Variants in DYRK1B observed in about 807,000 individuals in gnomAD.
The protein encoded by DYRK1B is dual specificity tyrosine-phosphorylation-regulated kinase 1B.
A neutral mutation model predicts 57.1 loss-of-function variants in DYRK1B; 20 were observed. The ratio of observed to expected loss-of-function variants is 0.35; its 90% CI spans 0.25 to 0.51. DYRK1B has a LOEUF of 0.51. Among genes scored for constraint, DYRK1B ranks in the 20% least tolerant of loss-of-function variants. The probability of loss-of-function intolerance (pLI) is 0.96; values close to 1 mark genes in which losing one functional copy is unlikely to be tolerated. For missense variants in DYRK1B, 732 were observed against 886.3 expected (o/e 0.83, Z 2.21); for synonymous variants, 409 against 384.7 (o/e 1.06, Z -0.74).
At position 39,825,978 on chromosome 19, in the gene DYRK1B, G is replaced by A. The variant is rs752860992; in HGVS notation, c.1627C>T (p.Pro543Ser). 3.9e-6 allele frequency: 6 copies of A among 1,524,288 alleles called. No individual in the cohort carries two copies. Among genetic ancestry groups the A allele is most frequent in the East Asian group, 2.3e-5 (1 of 44,100 alleles). 94.4% of individuals were successfully genotyped at this position (1,524,288 alleles called of 1,614,324 possible). A position where few individuals can be genotyped will look rare whatever the true frequency, so the allele number is the denominator to read the frequency against. Residue 543 changes from proline (P) to serine (S), a missense_variant, in exon 11 of 11, where the codon CCC becomes TCC. By Grantham distance (74) the Pro-to-Ser change is moderately conservative (BLOSUM62 -1). Around this residue, in one of 2 missense-constraint regions of DYRK1B, gnomAD observed 222 missense variants for 205.0 expected, o/e 1.08. Coordinates refer to ENST00000323039, the MANE Select transcript of DYRK1B (RefSeq NM_004714.3). ...SSLPGTGAQL[P>S]PQPRYLGRPP... The stretch of plus-strand genomic sequence containing the variant: ...CGACCAAGGTATCGGGGCTGGGGGG[G>A]TAACTGGGCCCCGGTCCCAGGCAGT...
In DYRK1B at chr19:39,828,350, G is replaced by A. The variant is rs1198885513; in HGVS notation, c.754C>T (p.Arg252Cys). 4.3e-6 allele frequency: 7 copies of A among 1,614,218 alleles called. No individual in the cohort carries two copies. Among genetic ancestry groups the A allele is most frequent in the Admixed American group, 1.7e-5 (1 of 60,032 alleles). Residue 252 changes from arginine to cysteine, a missense_variant, in exon 6 of 11, where the codon CGC becomes TGC. Transcript: ENST00000323039. This position sits in a 1 kb window ranked among gnomAD's most constrained non-coding sequence, Gnocchi z 4.3. ...AAGTCCACAATCTTGATGGCGCTGC[G>A]CTTGGGGTTGCACAGCAAGATGTTT... ...PENILLCNPK[R>C]SAIKIVDFGS...
At chr19:39,829,572 G>T in intron 5 of DYRK1B, 1 of 248,514 alleles carries the variant, frequency 4.0e-6, no homozygotes, top group Non-Finnish European at 7.6e-6. Context: ...GGAAGCCCAG[G>T]TTTCTTATCT....
intron 1 of DYRK1B, 115 bp downstream of exon 1, chr19:39,833,908 C>A (rs562003903): frequency 6.6e-6 from 1 of 152,478 alleles, no homozygotes; most frequent in African/African-American, 2.4e-5. Flanking sequence ...CTGCCACCCC[C>A]CTCCTCTCCT....
At chr19:39,830,879 G>A in intron 2 of DYRK1B, 96 bp from the exon 3 acceptor site, 1 of 1,416,786 alleles carries the variant, frequency 7.1e-7, no homozygotes, top group Non-Finnish European at 9.4e-7. Flanking sequence ...TCATGTATTT[G>A]GTTGCTGTCT....
intron 5 of DYRK1B, 135 bp downstream of exon 5, chr19:39,829,745 A>G (rs1404931785): frequency 2.1e-6 from 2 of 956,674 alleles, no homozygotes; most frequent in African/African-American, 3.3e-5. Context: ...CACTGATGTC[A>G]GAGAAGCACA....
In DYRK1B at chr19:39,825,517, G is replaced by T. The variant is rs1968484290; in HGVS notation, c.*198C>A. The T allele has an allele frequency of 1.0e-5, 6 of 592,310 alleles. No individual in the cohort carries two copies. Among genetic ancestry groups the T allele is most frequent in the Non-Finnish European group, 1.8e-5 (6 of 337,096 alleles). The allele number at this position is 592,310 out of a possible 1,614,324, so 36.7% of individuals were successfully genotyped here. A position where few individuals can be genotyped will look rare whatever the true frequency, so the allele number is the denominator to read the frequency against. On this transcript the variant is annotated 3_prime_UTR_variant, in exon 11 of 11. Coordinates refer to ENST00000323039, the MANE Select transcript of DYRK1B (RefSeq NM_004714.3). The stretch of plus-strand genomic sequence containing the variant: ...AAAAAAAGGGGGAGAGGGGCCCAAG[G>T]GTCCAGTCCTTAGTGGGGAGGGAGC...
chr19:39,832,066 A>G, intron 1 of DYRK1B, 98 bp from the exon 2 acceptor site: 1 of 1,300,618 alleles, frequency 7.7e-7, no homozygotes, highest in Non-Finnish European at 9.9e-7. Flanking sequence ...CAGGGCACAG[A>G]GAGAAGAGGA....
rs533551973 is a variant in DYRK1B, at chr19:39,827,814, C to T, written c.808-158G>A. 4.6e-5 allele frequency among the ~76,000 whole-genome samples: 7 copies of T among 152,210 alleles called. No individual in the cohort carries two copies. The East Asian group carries it at 1.2e-3, about 25-fold the overall frequency. ...TTATCAGCACCAATTTTCTGGGAGC[C>T]ACTGGTGCCATCTTGTTTATCAATC... On this transcript the variant is annotated intron_variant, in intron 6 of 10. Coordinates refer to ENST00000323039, the MANE Select transcript of DYRK1B (RefSeq NM_004714.3).
chr19:39,828,681 T>A lies in DYRK1B; in HGVS notation c.521-98A>T. Reference sequence around the variant, plus strand: ...CAACGCTCTTTGATTACTAGCCACATTGTGCTGTCCCCACGGGTACCATCT... The same window carrying A: ...CAACGCTCTTTGATTACTAGCCACAATGTGCTGTCCCCACGGGTACCATCT... On this transcript the variant is annotated intron_variant, in intron 5 of 10. Transcript: ENST00000323039. The surrounding 1 kb of genome is among the most constrained non-coding windows in gnomAD (Gnocchi z 4.3). 7.8e-7 allele frequency: 1 copy of A among 1,290,280 alleles called. No individual in the cohort carries two copies. Among genetic ancestry groups the A allele is most frequent in the Non-Finnish European group, 1.1e-6 (1 of 932,576 alleles). 79.9% of individuals were successfully genotyped at this position (1,290,280 alleles called of 1,614,324 possible). A position where few individuals can be genotyped will look rare whatever the true frequency, so the allele number is the denominator to read the frequency against.
chr19:39,827,060 C>T (rs528626073), intron 8 of DYRK1B, 73 bp from the exon 9 acceptor site: 26 of 1,265,086 alleles, frequency 2.1e-5, no homozygotes, highest in East Asian at 5.6e-5. Context: ...GAGACACACA[C>T]GGGGAAACAG....
chr19:39,832,109 AG>A, intron 1 of DYRK1B, 141 bp from the exon 2 acceptor site: 1 of 621,736 alleles, frequency 1.6e-6, no homozygotes, highest in Non-Finnish European at 2.1e-6. Context: ...ATAGCAATGA[AG>A]AGAAGGGGCA....
In DYRK1B at chr19:39,827,436, G is replaced by A; in HGVS notation, c.955-11C>T. On this transcript the variant is annotated splice_polypyrimidine_tract_variant and intron_variant, in intron 7 of 10. Transcript: ENST00000323039. ...GTTCATCTGGTCGACCTGTGAGCAG[G>A]CAGGGGTCAAGGTCATCAGGCCAGC... 6.2e-7 allele frequency: 1 copy of A among 1,610,644 alleles called. No individual in the cohort carries two copies. Among genetic ancestry groups the A allele is most frequent in the Non-Finnish European group, 8.5e-7 (1 of 1,177,266 alleles).
At chr19:39,833,218 C>T in intron 1 of DYRK1B, 3 of 985,792 alleles carry the variant, frequency 3.0e-6, no homozygotes, top group Non-Finnish European at 2.4e-6. Context: ...CACCTCTTCT[C>T]CGGGGCCCTC....
intron 2 of DYRK1B, among the ~76,000 whole-genome samples, chr19:39,831,215 GCA>G (rs1481457492): frequency 6.6e-6 from 1 of 152,004 alleles, no homozygotes; most frequent in Non-Finnish European, 1.5e-5. Flanking sequence ...CCAACTCTTT[GCA>G]CAGTTCTTTC....
Position 39,826,573 on chromosome 19 carries a change from G to A in DYRK1B, c.1411+99C>T, listed in dbSNP as rs1252560906. ...CATCTTACAGTTCAGGATCAGTTTC[G>A]GCGCTTTGTGTGAAGACCCAGTAAC... On this transcript the variant is annotated intron_variant, in intron 9 of 10. Coordinates refer to ENST00000323039, the MANE Select transcript of DYRK1B (RefSeq NM_004714.3). The surrounding 1 kb of genome is among the most constrained non-coding windows in gnomAD (Gnocchi z 6.3). 6.1e-6 allele frequency: 8 copies of A among 1,303,852 alleles called. No homozygotes were observed. The South Asian group carries it at 6.2e-5, about 10-fold the overall frequency. 80.8% of individuals were successfully genotyped at this position (1,303,852 alleles called of 1,614,324 possible).
Position 39,826,402 on chromosome 19 carries a change from A to G in DYRK1B, c.1412-116T>C. The G allele has an allele frequency of 1.1e-6, 1 of 928,836 alleles. No homozygotes were observed. Among genetic ancestry groups the G allele is most frequent in the Non-Finnish European group, 1.6e-6 (1 of 639,422 alleles). The allele number at this position is 928,836 out of a possible 1,614,324, so 57.5% of individuals were successfully genotyped here. A position where few individuals can be genotyped will look rare whatever the true frequency, so the allele number is the denominator to read the frequency against. On this transcript the variant is annotated intron_variant, in intron 9 of 10. Transcript: ENST00000323039. This position sits in a 1 kb window ranked among gnomAD's most constrained non-coding sequence, Gnocchi z 6.3. ...AGGCTCAGGTTCAGGCTTCAAGAGC[A>G]GAGCCCATCTGAAGCACCGGGCCCA...
chr19:39,826,578 T>G lies in DYRK1B; in HGVS notation c.1411+94A>C. Reference sequence around the variant, plus strand: ...TACAGTTCAGGATCAGTTTCGGCGCTTTGTGTGAAGACCCAGTAACCAGGT... The same window carrying G: ...TACAGTTCAGGATCAGTTTCGGCGCGTTGTGTGAAGACCCAGTAACCAGGT... On this transcript the variant is annotated intron_variant, in intron 9 of 10. Transcript: ENST00000323039. This position sits in a 1 kb window ranked among gnomAD's most constrained non-coding sequence, Gnocchi z 6.3. 2.2e-6 allele frequency: 3 copies of G among 1,346,252 alleles called. No individual in the cohort carries two copies. The South Asian group carries it at 4.6e-5, about 21-fold the overall frequency. The allele number at this position is 1,346,252 out of a possible 1,614,324, so 83.4% of individuals were successfully genotyped here. A position where few individuals can be genotyped will look rare whatever the true frequency, so the allele number is the denominator to read the frequency against.
rs911472018 is a variant in DYRK1B at position 39,830,238 on chromosome 19, A to G, written c.372+137T>C. ...TCTTGTTATTTAAACTGTTTTACAG[A>G]AAAGGCGACTGAGGCACAGGGAAAC... On this transcript the variant is annotated intron_variant, in intron 4 of 10. Coordinates refer to ENST00000323039, the MANE Select transcript of DYRK1B (RefSeq NM_004714.3). 4.0e-6 allele frequency: 5 copies of G among 1,249,964 alleles called. No individual in the cohort carries two copies. In the African/African-American group the frequency reaches 7.5e-5, roughly 19 times the overall value. 77.4% of individuals were successfully genotyped at this position (1,249,964 alleles called of 1,614,324 possible).
intron 1 of DYRK1B, chr19:39,832,845 ACTC>A (rs1279173977): frequency 3.3e-6 from 3 of 898,838 alleles, no homozygotes; most frequent in Non-Finnish European, 4.0e-6. Flanking sequence ...ATCAAGGCCC[ACTC>A]CTCCTGATGG....
Sources: allele counts gnomAD v4.1 joint callset (sites outside exome capture counted in the v4.1 genomes callset), GRCh38; gene constraint gnomAD v4.1.1; regional missense constraint gnomAD v4.1.1; non-coding constraint Gnocchi (gnomAD v3.1); transcripts MANE v1.5; gene names NCBI Gene and HGNC (gene_info 2026-07-23, HGNC 2026-07-21).